The following PPHLN1 variants were observed in gnomAD, a reference collection of about 807,000 sequenced individuals.
PPHLN1 encodes periphilin 1.
PPHLN1 carries 29 observed loss-of-function variants against 51.3 expected under a neutral mutation model. The observed-to-expected ratio is 0.57, with a 90% CI of 0.42 to 0.77. The LOEUF (loss-of-function observed/expected upper bound fraction) is 0.77. Among genes scored for constraint, PPHLN1 ranks in the 30% least tolerant of loss-of-function variants. The pLI is 0.00. For missense variants in PPHLN1, 436 were observed against 438.4 expected (o/e 0.99, Z 0.05); for synonymous variants, 147 against 147.8 (o/e 0.99, Z 0.04).
At chr12:42,328,186 G>A (rs528318155) in intron 1 of PPHLN1, among the ~76,000 whole-genome samples, 2 of 152,218 alleles carry the variant, frequency 1.3e-5, no homozygotes, top group South Asian at 4.1e-4. Context: ...ATGAGAGAAT[G>A]GAAAAAGATA....
rs911065953 is a variant in PPHLN1 at position 42,365,219 on chromosome 12, C to A, written c.300-9644C>A. Among the ~76,000 whole-genome samples the A allele has an allele frequency of 1.9e-4, 29 of 152,304 alleles. 1 individual carries two copies. Among genetic ancestry groups the A allele is most frequent in the African/African-American group, 6.7e-4 (28 of 41,576 alleles). ...TATTTGAGGTTGTACTTCACTTATT[C>A]TTAAGCTTGCCTTGCTAATTACCTG... On this transcript the variant is annotated intron_variant, in intron 4 of 9. Transcript: ENST00000358314.
At chr12:42,333,703 C>T (rs1414208456) in intron 1 of PPHLN1, among the ~76,000 whole-genome samples, 18 of 152,028 alleles carry the variant, frequency 1.2e-4, no homozygotes, top group African/African-American at 4.1e-4. Context: ...AGGATGGTCT[C>T]GATCTCCTGA....
intron 9 of PPHLN1, among the ~76,000 whole-genome samples, chr12:42,410,317 G>A (rs918289489): frequency 6.6e-6 from 1 of 151,998 alleles, no homozygotes; most frequent in Admixed American, 6.6e-5. Context: ...AAGCATGTCT[G>A]ATTTTTTTAA....
At position 42,352,067 on chromosome 12, in the gene PPHLN1, A is replaced by G. The variant is rs1315863508; in HGVS notation, c.237+18A>G. ...ACAGAGGAGTATGTAAATTTCCCCC[A>G]TGTACTAATTGTTATTTCTTATAAG... On this transcript the variant is annotated intron_variant, in intron 3 of 9. Transcript: ENST00000358314. 7.0e-7 allele frequency: 1 copy of G among 1,432,752 alleles called. No homozygotes were observed. The highest frequency in any genetic ancestry group is 2.7e-5 in the East Asian group (1 of 37,242). The allele number at this position is 1,432,752 out of a possible 1,614,324, so 88.8% of individuals were successfully genotyped here. A position where few individuals can be genotyped will look rare whatever the true frequency, so the allele number is the denominator to read the frequency against.
At chr12:42,361,897 G>A (rs572786451) in intron 4 of PPHLN1, among the ~76,000 whole-genome samples, 1 of 152,306 alleles carries the variant, frequency 6.6e-6, no homozygotes, top group South Asian at 2.1e-4. Context: ...ACATATGTAA[G>A]AGTGGAATTA....
intron 6 of PPHLN1, 168 bp from the exon 7 acceptor site, chr12:42,387,285 CTTA>C (rs2139055671): frequency 3.2e-6 from 2 of 624,798 alleles, no homozygotes; most frequent in South Asian, 5.5e-5. Context: ...GTTGATGGTG[CTTA>C]GCCTCTGAGA....
chr12:42,425,155 A>G lies in PPHLN1; in HGVS notation c.910-16160A>G, dbSNP rs544931779. 4.6e-3 allele frequency among the ~76,000 whole-genome samples: 698 copies of G among 151,650 alleles called. 3 individuals are homozygous for G. The highest frequency in any genetic ancestry group is 4.8e-3 in the Non-Finnish European group (327 of 67,930). On this transcript the variant is annotated intron_variant, in intron 9 of 9. Coordinates refer to ENST00000358314, the MANE Select transcript of PPHLN1 (RefSeq NM_201439.2). ...AAGTGCAGTGGCGCGATCTCGGCTCACTGCAACCTCCCCCTCCCAGTTCAA... is the reference window on the plus strand; with the variant it reads ...AAGTGCAGTGGCGCGATCTCGGCTCGCTGCAACCTCCCCCTCCCAGTTCAA...
chr12:42,382,353 A>G (rs17091141), intron 5 of PPHLN1, among the ~76,000 whole-genome samples: 17,651 of 152,088 alleles, frequency 0.12, 1,312 homozygotes, highest in African/African-American at 0.21. Context: ...TCATCAATAT[A>G]TAGACAGGGA....
intron 9 of PPHLN1, among the ~76,000 whole-genome samples, chr12:42,429,464 ACT>A (rs1235070732): frequency 6.6e-6 from 1 of 151,892 alleles, no homozygotes; most frequent in Non-Finnish European, 1.5e-5. Flanking sequence ...CTGTTTAAAC[ACT>A]CTATGCTTTT....
At position 42,402,133 on chromosome 12, in the gene PPHLN1, C is replaced by T. The variant is rs1012777215; in HGVS notation, c.909+3139C>T. 8.5e-5 allele frequency among the ~76,000 whole-genome samples: 13 copies of T among 152,292 alleles called. No individual in the cohort carries two copies. In the South Asian group the frequency reaches 2.7e-3, roughly 32 times the overall value. ...CTATTACAGGCGTAAGCCACCGCAC[C>T]CGGCCCATTCTGAGGTTCTTAAACA... is the stretch of plus-strand genomic sequence containing the variant. On this transcript the variant is annotated intron_variant, in intron 9 of 9. Transcript: ENST00000358314.
intron 8 of PPHLN1, among the ~76,000 whole-genome samples, chr12:42,396,266 A>G (rs1164759667): frequency 6.6e-6 from 1 of 152,048 alleles, no homozygotes; most frequent in Non-Finnish European, 1.5e-5. Context: ...AATTTTTTTC[A>G]CAGCATGTAT....
intron 4 of PPHLN1, among the ~76,000 whole-genome samples, chr12:42,362,023 C>T (rs1370895038): frequency 6.6e-6 from 1 of 152,162 alleles, no homozygotes; most frequent in Non-Finnish European, 1.5e-5. Flanking sequence ...AGTTGCTCCA[C>T]GTTCTTGCCA....
intron 4 of PPHLN1, among the ~76,000 whole-genome samples, chr12:42,365,280 CT>C (rs1028275460): frequency 2.6e-5 from 4 of 152,240 alleles, no homozygotes; most frequent in Admixed American, 6.5e-5. Context: ...AATCGTAATT[CT>C]TTTTGGAAGT....
At chr12:42,409,898 T>C (rs1348203065) in intron 9 of PPHLN1, among the ~76,000 whole-genome samples, 2 of 152,160 alleles carry the variant, frequency 1.3e-5, no homozygotes, top group East Asian at 1.9e-4. Context: ...AGTTTTATAT[T>C]GTTCTCCAGT....
intron 3 of PPHLN1, among the ~76,000 whole-genome samples, chr12:42,354,586 C>T (rs892904676): frequency 6.6e-6 from 1 of 151,964 alleles, no homozygotes; most frequent in African/African-American, 2.4e-5. Flanking sequence ...GCAAATATGT[C>T]TTAGAGAACA....
chr12:42,342,859 T>C (rs2071699471), intron 2 of PPHLN1, among the ~76,000 whole-genome samples: 1 of 152,260 alleles, frequency 6.6e-6, no homozygotes, highest in African/African-American at 2.4e-5. Context: ...AATTAGTTTT[T>C]GTAATTAAGT....
chr12:42,418,054 C>G (rs868851800), intron 9 of PPHLN1, among the ~76,000 whole-genome samples: 22 of 149,916 alleles, frequency 1.5e-4, no homozygotes, highest in Non-Finnish European at 2.4e-4. Context: ...ATTCTCCTGC[C>G]TCAGCCTCCT....
At chr12:42,371,445 C>T (rs1005343766) in intron 4 of PPHLN1, among the ~76,000 whole-genome samples, 1 of 152,144 alleles carries the variant, frequency 6.6e-6, no homozygotes, top group Non-Finnish European at 1.5e-5. Flanking sequence ...TGCATAGTCT[C>T]CTCGAGACTT....
chr12:42,391,433 T>G (rs2077703255), intron 7 of PPHLN1, among the ~76,000 whole-genome samples: 1 of 152,086 alleles, frequency 6.6e-6, no homozygotes. Flanking sequence ...GAGATGGGGT[T>G]TCACCGTGTT....
Sources: gnomAD v4.1 joint callset for allele counts (sites outside exome capture counted in the v4.1 genomes callset) on GRCh38, gnomAD v4.1.1 for gene constraint, MANE v1.5 for transcripts, NCBI Gene and HGNC (gene_info 2026-07-23, HGNC 2026-07-21) for gene names.